The following RAD51AP1 variants were observed in gnomAD, a reference collection of about 807,000 sequenced individuals.
RAD51AP1 encodes RAD51 associated protein 1, also known as RAD51-associated protein 1.
In RAD51AP1, 14 loss-of-function variants were observed where a neutral mutation model predicts 34.3. That is an observed-to-expected ratio of 0.41 (90% CI 0.27 to 0.64). The LOEUF is 0.64. Among genes scored for constraint, RAD51AP1 ranks in the 30% least tolerant of loss-of-function variants. The probability of loss-of-function intolerance (pLI) is 0.33; values close to 1 mark genes in which losing one functional copy is unlikely to be tolerated. For missense variants in RAD51AP1, 348 were observed against 386.9 expected (o/e 0.90, Z 0.84); for synonymous variants, 114 against 129.8 (o/e 0.88, Z 0.83).
intron 8 of RAD51AP1, among the ~76,000 whole-genome samples, chr12:4,558,250 T>C (rs926030699): frequency 2.0e-5 from 3 of 152,158 alleles, no homozygotes; most frequent in Admixed American, 6.5e-5. Flanking sequence ...TAGAAAACAA[T>C]AAAGCAGTAT....
At chr12:4,549,472 C>T (rs746564627) in intron 6 of RAD51AP1, among the ~76,000 whole-genome samples, 1 of 152,048 alleles carries the variant, frequency 6.6e-6, no homozygotes, top group Non-Finnish European at 1.5e-5. Flanking sequence ...AACAGATTTG[C>T]TCATCGTCAC....
chr12:4,557,348 C>T (rs1200275981), intron 8 of RAD51AP1, among the ~76,000 whole-genome samples: 1 of 152,114 alleles, frequency 6.6e-6, no homozygotes, highest in Non-Finnish European at 1.5e-5. Flanking sequence ...CCCCTGCTGA[C>T]TACTATTCAT....
intron 3 of RAD51AP1, chr12:4,545,438 G>A (rs1389595588): frequency 1.0e-5 from 3 of 293,310 alleles, no homozygotes. Context: ...TAATGGGTAT[G>A]GGGTTTCTTT....
At chr12:4,551,494 C>CAAAAAAAA (rs1180432401) in intron 6 of RAD51AP1, among the ~76,000 whole-genome samples, 40 of 79,270 alleles carry the variant, frequency 5.0e-4, no homozygotes, top group African/African-American at 5.9e-4. Flanking sequence ...GGCTCCATCT[C>CAAAAAAAA]AAAAAAAAAA....
At chr12:4,558,745 C>T in intron 8 of RAD51AP1, 112 bp from the exon 9 acceptor site, 1 of 1,288,960 alleles carries the variant, frequency 7.8e-7, no homozygotes, top group Non-Finnish European at 1.1e-6. Flanking sequence ...TTGATAGACA[C>T]TGGAAAGCAG....
At chr12:4,546,540 C>G in intron 4 of RAD51AP1, 122 bp downstream of exon 4, 1 of 614,816 alleles carries the variant, frequency 1.6e-6, no homozygotes, top group South Asian at 2.2e-5. Context: ...ATAAATAGAC[C>G]CATTTGCAGA....
chr12:4,550,731 A>G (rs1006324097), intron 6 of RAD51AP1, among the ~76,000 whole-genome samples: 5 of 152,212 alleles, frequency 3.3e-5, no homozygotes, highest in Non-Finnish European at 5.9e-5. Flanking sequence ...CCTCCGCCTC[A>G]CAGGTTCAAG....
In RAD51AP1 at chr12:4,553,349, T is replaced by C. The variant is rs191771455; in HGVS notation, c.721+202T>C. 6.1e-4 allele frequency: 203 copies of C among 331,272 alleles called. 1 individual carries two copies. Among genetic ancestry groups the C allele is most frequent in the African/African-American group, 3.9e-3 (182 of 46,474 alleles). 20.5% of individuals were successfully genotyped at this position (331,272 alleles called of 1,614,324 possible). ...CCACTACGTATGCTAGCACTTACTG[T>C]ATATGACCTCACTTTGGTACTCATG... On this transcript the variant is annotated intron_variant, in intron 7 of 8. Coordinates refer to ENST00000352618, the MANE Select transcript of RAD51AP1 (RefSeq NM_006479.5).
Position 4,543,877 on chromosome 12 carries a change from C to T in RAD51AP1, c.182C>T (p.Pro61Leu), listed in dbSNP as rs113155979. ...NLNNLRKEEI[P>L]VQEKTPKKRM... ...AACAATCTCCGGAAAGAAGAAATCCCAGTACAAGAGAAAACCCCTAAAAAA... is the reference window on the plus strand; with the variant it reads ...AACAATCTCCGGAAAGAAGAAATCCTAGTACAAGAGAAAACCCCTAAAAAA... Residue 61 changes from proline (P) to leucine (L), a missense_variant, in exon 3 of 9, where the codon CCA (proline) becomes CTA (leucine). Pro to Leu is a moderately conservative substitution (Grantham distance 98, BLOSUM62 -3). Transcript: ENST00000352618. The T allele has an allele frequency of 8.7e-6, 14 of 1,611,534 alleles. No homozygotes were observed. Among genetic ancestry groups the T allele is most frequent in the Admixed American group, 5.0e-5 (3 of 59,748 alleles).
rs768024637 is a variant in RAD51AP1 at position 4,556,338 on chromosome 12, TATTTTTCAA to T, written c.722-12_722-4del. The T allele has an allele frequency of 1.9e-6, 3 of 1,595,620 alleles. No individual in the cohort carries two copies. The highest frequency in any genetic ancestry group is 2.6e-6 in the Non-Finnish European group (3 of 1,166,980). ...CCTGCATGACAAACATTTTTACGTA[TATTTTTCAA>T]ATAAGTGACTTCGGTGGACTCTGCT... On this transcript the variant is annotated splice_region_variant and splice_polypyrimidine_tract_variant and intron_variant, in intron 7 of 8. Coordinates refer to ENST00000352618, the MANE Select transcript of RAD51AP1 (RefSeq NM_006479.5).
At chr12:4,542,614 T>C (rs948102699) in intron 2 of RAD51AP1, among the ~76,000 whole-genome samples, 4 of 151,622 alleles carry the variant, frequency 2.6e-5, no homozygotes, top group Non-Finnish European at 5.9e-5. Context: ...CAGATACTTA[T>C]AAATTGCCAG....
Position 4,558,758 on chromosome 12 carries a change from T to C in RAD51AP1, c.872-99T>C, listed in dbSNP as rs940342850. 4 of 1,417,348 alleles carry C rather than the reference T, an allele frequency of 2.8e-6. No individual in the cohort carries two copies. The African/African-American group carries it at 4.3e-5, about 15-fold the overall frequency. 87.8% of individuals were successfully genotyped at this position (1,417,348 alleles called of 1,614,324 possible). On this transcript the variant is annotated intron_variant, in intron 8 of 8. Transcript: ENST00000352618. ...GCTTGATAGACACTGGAAAGCAGAA[T>C]AATGCTTAACTACCTTTTTTTTGCT...
chr12:4,547,980 T>A (rs1944518148), intron 4 of RAD51AP1, 112 bp from the exon 5 acceptor site: 1 of 1,101,620 alleles, frequency 9.1e-7, no homozygotes, highest in Non-Finnish European at 1.3e-6. Flanking sequence ...CCAGTTGGAG[T>A]TTGGGATCAT....
chr12:4,557,653 A>T (rs554872673), intron 8 of RAD51AP1, among the ~76,000 whole-genome samples: 1 of 152,328 alleles, frequency 6.6e-6, no homozygotes, highest in South Asian at 2.1e-4. Flanking sequence ...AAAGTAGCAT[A>T]ATTAAAAAAA....
chr12:4,548,910 G>A (rs1944526387), intron 6 of RAD51AP1, 74 bp downstream of exon 6: 1 of 1,504,246 alleles, frequency 6.6e-7, no homozygotes, highest in South Asian at 1.2e-5. Flanking sequence ...TATTAATTGT[G>A]CAAAGCACTG....
intron 4 of RAD51AP1, among the ~76,000 whole-genome samples, 188 bp downstream of exon 4, chr12:4,546,606 A>C (rs1410869560): frequency 6.6e-6 from 1 of 152,206 alleles, no homozygotes; most frequent in African/African-American, 2.4e-5. Flanking sequence ...ACAAACAGAC[A>C]TACATCTCTG....
At chr12:4,545,173 A>C (rs1471255896) in intron 3 of RAD51AP1, 1 of 446,364 alleles carries the variant, frequency 2.2e-6, no homozygotes, top group African/African-American at 2.0e-5. Flanking sequence ...TCTGCTAATG[A>C]ATGGATAAGT....
chr12:4,544,620 G>A (rs917721406), intron 3 of RAD51AP1, among the ~76,000 whole-genome samples: 2 of 151,778 alleles, frequency 1.3e-5, no homozygotes, highest in African/African-American at 4.8e-5. Flanking sequence ...TGAGTTTCTT[G>A]TATTACATTT....
At chr12:4,549,052 C>G (rs1335817298) in intron 6 of RAD51AP1, among the ~76,000 whole-genome samples, 1 of 152,156 alleles carries the variant, frequency 6.6e-6, no homozygotes. Flanking sequence ...AGCGTTTCAA[C>G]AAACTAAAGG....
Sources: gnomAD v4.1 joint callset for allele counts (sites outside exome capture counted in the v4.1 genomes callset) on GRCh38, gnomAD v4.1.1 for gene constraint, MANE v1.5 for transcripts, NCBI Gene and HGNC (gene_info 2026-07-23, HGNC 2026-07-21) for gene names.